Variants in CACNG2 observed in about 807,000 individuals in gnomAD.
The protein encoded by CACNG2 is voltage-dependent calcium channel gamma-2 subunit.
CACNG2 carries 3 observed loss-of-function variants against 25.9 expected under a neutral mutation model. The observed-to-expected ratio is 0.12, with a 90% CI of 0.05 to 0.30. The LOEUF is 0.30. CACNG2 is among the 10% of genes least tolerant of loss of function. The probability of loss-of-function intolerance (pLI) is 1.00; values close to 1 mark genes in which losing one functional copy is unlikely to be tolerated. For missense variants in CACNG2, 341 were observed against 432.5 expected (o/e 0.79, Z 1.88); for synonymous variants, 167 against 173.3 (o/e 0.96, Z 0.29).
chr22:36,679,136 C>CCGTT (rs1937053450), intron 1 of CACNG2, among the ~76,000 whole-genome samples: 32 of 128,360 alleles, frequency 2.5e-4, no homozygotes, highest in African/African-American at 8.5e-4. Flanking sequence ...TGGATTTTCT[C>CCGTT]CCTTCCTTCC....
intron 1 of CACNG2, among the ~76,000 whole-genome samples, chr22:36,686,737 C>A (rs1305684573): frequency 6.6e-6 from 1 of 152,226 alleles, no homozygotes; most frequent in Non-Finnish European, 1.5e-5. Flanking sequence ...CTAGTCCCTG[C>A]ACTGCCACTT....
At position 36,570,436 on chromosome 22, in the gene CACNG2, C is replaced by T. The variant is rs142142186; in HGVS notation, c.296-3943G>A. Among the ~76,000 whole-genome samples the T allele has an allele frequency of 5.2e-3, 797 of 152,284 alleles. 11 individuals are homozygous for T. The highest frequency in any genetic ancestry group is 0.018 in the African/African-American group (768 of 41,564). Reference sequence around the variant, plus strand: ...CAGAAGAGCCAGCCCCAAGCTCTGGCCTTTCGTGGAAGAGGCCTCTTTGCC... The same window carrying T: ...CAGAAGAGCCAGCCCCAAGCTCTGGTCTTTCGTGGAAGAGGCCTCTTTGCC... On this transcript the variant is annotated intron_variant, in intron 2 of 3. Transcript: ENST00000300105.
At chr22:36,611,392 C>A (rs534694462) in intron 1 of CACNG2, among the ~76,000 whole-genome samples, 1 of 152,280 alleles carries the variant, frequency 6.6e-6, no homozygotes, top group East Asian at 1.9e-4. Context: ...GGCTATGACC[C>A]CAGGTCAGGT....
intron 2 of CACNG2, among the ~76,000 whole-genome samples, chr22:36,586,404 T>C (rs1935502947): frequency 6.6e-6 from 1 of 152,256 alleles, no homozygotes; most frequent in African/African-American, 2.4e-5. Flanking sequence ...ATGATATTTT[T>C]TCCTTTAAAA....
chr22:36,569,632 G>C (rs576606332), intron 2 of CACNG2, among the ~76,000 whole-genome samples: 3 of 152,194 alleles, frequency 2.0e-5, no homozygotes, highest in African/African-American at 7.2e-5. Context: ...CTCCGTCTTC[G>C]GGGTTCAAGC....
intron 2 of CACNG2, among the ~76,000 whole-genome samples, chr22:36,579,425 A>G (rs998829443): frequency 1.6e-3 from 231 of 148,770 alleles, no homozygotes; most frequent in Non-Finnish European, 2.8e-3. Flanking sequence ...AAAAAAAAAA[A>G]AAAAAGCTGC....
chr22:36,669,150 A>C (rs1248433732), intron 1 of CACNG2, among the ~76,000 whole-genome samples: 2 of 152,066 alleles, frequency 1.3e-5, no homozygotes, highest in Admixed American at 6.6e-5. Flanking sequence ...TGCCTGCGTC[A>C]GTTCTGTATC....
intron 1 of CACNG2, among the ~76,000 whole-genome samples, chr22:36,686,122 G>A (rs1277802258): frequency 6.6e-6 from 1 of 152,184 alleles, no homozygotes; most frequent in Non-Finnish European, 1.5e-5. Context: ...AATGTCTGAG[G>A]GTGGAGGCTC....
Position 36,566,341 on chromosome 22 carries a change from A to G in CACNG2, c.436+12T>C. The G allele has an allele frequency of 6.2e-7, 1 of 1,613,932 alleles. No individual in the cohort carries two copies. The highest frequency in any genetic ancestry group is 8.5e-7 in the Non-Finnish European group (1 of 1,179,928). ...TTCTTCCCAGTGGCAGGACTGGATC[A>G]GTGGCTGTTACCTGCAGACACGAAG... On this transcript the variant is annotated intron_variant, in intron 3 of 3. Coordinates refer to ENST00000300105, the MANE Select transcript of CACNG2 (RefSeq NM_006078.5).
At chr22:36,654,320 C>T (rs973517634) in intron 1 of CACNG2, among the ~76,000 whole-genome samples, 9 of 152,038 alleles carry the variant, frequency 5.9e-5, no homozygotes, top group South Asian at 2.1e-4. Flanking sequence ...GGCTGGAGTG[C>T]GGTGGCTTGA....
chr22:36,625,667 T>A (rs1315817369), intron 1 of CACNG2, among the ~76,000 whole-genome samples: 1 of 152,256 alleles, frequency 6.6e-6, no homozygotes, highest in Admixed American at 6.5e-5. Context: ...TCTGACTTGA[T>A]AAAGTAGCTC....
intron 1 of CACNG2, among the ~76,000 whole-genome samples, chr22:36,645,802 C>T (rs939421480): frequency 3.3e-5 from 5 of 152,180 alleles, no homozygotes; most frequent in African/African-American, 1.2e-4. Context: ...GCACCCTCCC[C>T]TTCATTCAAC....
intron 1 of CACNG2, among the ~76,000 whole-genome samples, chr22:36,588,949 A>G (rs991562233): frequency 6.6e-6 from 1 of 150,390 alleles, no homozygotes; most frequent in African/African-American, 2.4e-5. Flanking sequence ...TGTGTCATAG[A>G]TATTAATTAG....
intron 1 of CACNG2, among the ~76,000 whole-genome samples, chr22:36,599,192 A>T (rs1024715930): frequency 3.9e-5 from 6 of 152,368 alleles, no homozygotes; most frequent in African/African-American, 1.4e-4. Flanking sequence ...AATGTAGTGT[A>T]CAGCAGTGAA....
chr22:36,682,553 C>A (rs2146005395), intron 1 of CACNG2, among the ~76,000 whole-genome samples: 1 of 143,964 alleles, frequency 6.9e-6, no homozygotes, highest in South Asian at 2.3e-4. Flanking sequence ...GCTGGCTACT[C>A]AATGGTGACT....
intron 1 of CACNG2, among the ~76,000 whole-genome samples, chr22:36,699,954 A>G (rs958222052): frequency 6.6e-6 from 1 of 152,248 alleles, no homozygotes. Flanking sequence ...GCTCCAATTG[A>G]CAGAGGCTTT....
At chr22:36,661,279 T>C (rs1163863482) in intron 1 of CACNG2, among the ~76,000 whole-genome samples, 4 of 152,172 alleles carry the variant, frequency 2.6e-5, no homozygotes, top group African/African-American at 7.2e-5. Context: ...GGGAGCAACA[T>C]TTACATGCAG....
At chr22:36,624,248 G>C (rs1002421752) in intron 1 of CACNG2, among the ~76,000 whole-genome samples, 7 of 152,358 alleles carry the variant, frequency 4.6e-5, no homozygotes, top group African/African-American at 1.7e-4. Context: ...CCGTGAACCA[G>C]GCAGAGGCTT....
chr22:36,644,659 A>G (rs1337233929), intron 1 of CACNG2, among the ~76,000 whole-genome samples: 1 of 152,220 alleles, frequency 6.6e-6, no homozygotes, highest in Non-Finnish European at 1.5e-5. Flanking sequence ...TAAACTTTCT[A>G]TGCCTCAGTT....
Sources: gnomAD v4.1 joint callset for allele counts (sites outside exome capture counted in the v4.1 genomes callset) on GRCh38, gnomAD v4.1.1 for gene constraint, MANE v1.5 for transcripts, NCBI Gene and HGNC (gene_info 2026-07-23, HGNC 2026-07-21) for gene names.